PDLIM2: variants seen among roughly 807,000 people sequenced by gnomAD.
PDLIM2 encodes PDZ and LIM domain protein 2.
A neutral mutation model predicts 54.1 loss-of-function variants in PDLIM2; 51 were observed. The ratio of observed to expected loss-of-function variants is 0.94; its 90% CI spans 0.75 to 1.19. The LOEUF (loss-of-function observed/expected upper bound fraction) is 1.19. PDLIM2 is among the 50% of genes most tolerant of loss of function. The pLI is 0.00. For missense variants in PDLIM2, 912 were observed against 874.0 expected, an observed-to-expected ratio of 1.04 and a Z score of -0.55; for synonymous variants, 398 against 385.6, an observed-to-expected ratio of 1.03 and a Z score of -0.38.
chr8:22,589,265 C>T, intron 6 of PDLIM2, 33 bp from the exon 6 acceptor site: 2 of 1,532,830 alleles, frequency 1.3e-6, no homozygotes, highest in South Asian at 1.2e-5. Flanking sequence ...AGGCTCTGGC[C>T]CTGACTCCTC....
At chr8:22,584,887 C>T (rs776472005) in exon 4 of PDLIM2, 37 of 1,614,024 alleles carry the variant, frequency 2.3e-5, no homozygotes, top group Non-Finnish European at 3.0e-5. Flanking sequence ...CGACTCGCTT[C>T]CAGGTAAGCT....
Position 22,586,443 on chromosome 8 carries a change from G to A in PDLIM2, c.1290+1044G>A, listed in dbSNP as rs1007397781. Among the ~76,000 whole-genome samples the A allele has an allele frequency of 7.9e-5, 12 of 152,186 alleles. No homozygotes were observed. In the East Asian group the frequency reaches 1.2e-3, roughly 15 times the overall value. ...GGTATTAATTACAAAAGCAGGAGGCGTTCTGGGAGGGGAGGGGAAGGAAGG... is the reference window on the plus strand; with the variant it reads ...GGTATTAATTACAAAAGCAGGAGGCATTCTGGGAGGGGAGGGGAAGGAAGG... On this transcript the variant is annotated intron_variant, in intron 6 of 9. Coordinates refer to ENST00000308354, the Ensembl canonical transcript of PDLIM2.
chr8:22,584,477 TA>T (rs747823270), intron 3 of PDLIM2, among the ~76,000 whole-genome samples: 74 of 151,698 alleles, frequency 4.9e-4, no homozygotes, highest in Non-Finnish European at 9.7e-4. Context: ...TGCAGCTACT[TA>T]AAAAAAAATT....
At chr8:22,579,462 C>T in exon 1 of PDLIM2, 3 of 1,518,824 alleles carry the variant, frequency 2.0e-6, no homozygotes, top group Middle Eastern at 2.1e-4. Context: ...ACTGGTAGAG[C>T]CGGGCCATCG....
downstream of PDLIM2, chr8:22,594,708 T>G: frequency 5.1e-6 from 8 of 1,560,902 alleles, no homozygotes; most frequent in African/African-American, 2.7e-5. Flanking sequence ...CGGGGCCAGG[T>G]TGATCTACCG....
chr8:22,589,318 C>T lies in PDLIM2; in HGVS notation c.1311C>T (p.Gly437=), dbSNP rs569722489. Residue 437 remains glycine (G), a synonymous_variant, in exon 7 of 10, where the codon GGC becomes GGT. Transcript: ENST00000308354. ...AACAGGCCGGCCTCGGCCGCGCTGG[C>T]GACTCGGCGGTGCTGGTGCTGCCGC... 85 of 1,534,266 alleles carry T rather than the reference C, an allele frequency of 5.5e-5. 1 individual carries two copies. In the South Asian group the frequency reaches 6.2e-4, roughly 11 times the overall value.
At chr8:22,579,500 A>G (rs1800128902) in exon 1 of PDLIM2, 4 of 1,509,624 alleles carry the variant, frequency 2.6e-6, no homozygotes, top group Non-Finnish European at 2.6e-6. Flanking sequence ...CGGCGCCCGC[A>G]GCGCGGAGTC....
rs1293048240 is a variant in PDLIM2 at position 22,590,208 on chromosome 8, A to C, written c.1513+467A>C. 3 of 165,378 alleles carry C rather than the reference A, an allele frequency of 1.8e-5. No homozygotes were observed. The East Asian group carries it at 5.4e-4, about 30-fold the overall frequency. 10.2% of individuals were successfully genotyped at this position (165,378 alleles called of 1,614,324 possible). A position where few individuals can be genotyped will look rare whatever the true frequency, so the allele number is the denominator to read the frequency against. ...AGAGAATGGGGGCCTGATAGCATGA[A>C]AGGGCGCCAGTGGAGGCCAAGCCCC... On this transcript the variant is annotated intron_variant, in intron 8 of 9. Transcript: ENST00000308354.
At chr8:22,586,733 C>G (rs1246122075) in intron 6 of PDLIM2, among the ~76,000 whole-genome samples, 1 of 152,158 alleles carries the variant, frequency 6.6e-6, no homozygotes, top group Non-Finnish European at 1.5e-5. Flanking sequence ...CCCACGTGCT[C>G]AAGGGCAAGC....
Position 22,580,600 on chromosome 8 carries a change from C to T in PDLIM2, c.749-3C>T. On this transcript the variant is annotated splice_region_variant and splice_polypyrimidine_tract_variant and intron_variant, in intron 1 of 9. An upstream open reading frame in the 5' UTR gains an earlier in-frame stop. Transcript: ENST00000308354. ...CTTCACCTCCTGGTCCTCTCTTCCT[C>T]AGGTATGGCGTTGACGGTGGATGTG... 6.2e-7 allele frequency: 1 copy of T among 1,614,046 alleles called. No homozygotes were observed. Among genetic ancestry groups the T allele is most frequent in the Non-Finnish European group, 8.5e-7 (1 of 1,179,996 alleles).
intron 9 of PDLIM2, chr8:22,592,528 C>G (rs1245375344): frequency 6.6e-6 from 1 of 152,218 alleles, no homozygotes; most frequent in Non-Finnish European, 1.5e-5. Context: ...CTTAACCTCT[C>G]TGGGCTTTAG....
rs1586928763 is a variant in PDLIM2 at position 22,591,150 on chromosome 8, C to T, written c.1514-401C>T. On this transcript the variant is annotated intron_variant, in intron 8 of 9. Transcript: ENST00000308354. ...GCCCCGTAGCCCTGGGCTTCATCTT[C>T]GTGTGGCTTGAGAGCTCAGATGTGA... The T allele has an allele frequency of 1.6e-5, 4 of 251,662 alleles. No individual in the cohort carries two copies. The East Asian group carries it at 4.2e-4, about 26-fold the overall frequency. The allele number at this position is 251,662 out of a possible 1,614,324, so 15.6% of individuals were successfully genotyped here.
chr8:22,585,289 C>T (rs1392244730), intron 5 of PDLIM2, 32 bp from the exon 5 acceptor site: 5 of 1,610,726 alleles, frequency 3.1e-6, no homozygotes, highest in Non-Finnish European at 4.2e-6. Context: ...TGGGGGTGGC[C>T]CTGGCACACA....
rs766095196 is a variant in PDLIM2, at chr8:22,589,706, G to A, written c.1478G>A (p.Arg493Gln). 28 of 1,570,750 alleles carry A rather than the reference G, an allele frequency of 1.8e-5. 1 individual carries two copies. In the South Asian group the frequency reaches 2.0e-4, roughly 11 times the overall value. Residue 493 changes from arginine to glutamine, a missense_variant, in exon 8 of 10, where the codon CGG becomes CAG. Coordinates refer to ENST00000308354, the Ensembl canonical transcript of PDLIM2. ...GCCCCCCGACAGTCCAGCTCCTTTC[G>A]GCTCTTGCAGGAAGCCCTGGAGGCT... is the stretch of plus-strand genomic sequence containing the variant.
chr8:22,587,107 C>T (rs1256034272), intron 6 of PDLIM2, among the ~76,000 whole-genome samples: 1 of 152,210 alleles, frequency 6.6e-6, no homozygotes, highest in African/African-American at 2.4e-5. Flanking sequence ...AGACACTCAT[C>T]TGGGCTCTGG....
At chr8:22,580,365 G>A (rs1385099580) in intron 1 of PDLIM2, 110 bp from the exon 1 acceptor site, 1 of 1,030,152 alleles carries the variant, frequency 9.7e-7, no homozygotes. Context: ...GTCGCTCCCT[G>A]GGCTGAAGAC....
chr8:22,582,478 C>T (rs1800234886), intron 3 of PDLIM2, among the ~76,000 whole-genome samples: 1 of 151,906 alleles, frequency 6.6e-6, no homozygotes, highest in African/African-American at 2.4e-5. Flanking sequence ...GTCTCTTCCT[C>T]TGGGGTTCTC....
chr8:22,584,688 G>A, intron 3 of PDLIM2, 133 bp from the exon 3 acceptor site: 3 of 746,716 alleles, frequency 4.0e-6, no homozygotes, highest in Non-Finnish European at 6.6e-6. Context: ...GTTAAAAGTT[G>A]ACAACCGGAT....
In PDLIM2 at chr8:22,579,557, G is replaced by A. The variant is rs1365734584; in HGVS notation, c.748+30G>A. The A allele has an allele frequency of 2.0e-5, 29 of 1,439,798 alleles. No individual in the cohort carries two copies. The African/African-American group carries it at 4.3e-4, about 21-fold the overall frequency. The allele number at this position is 1,439,798 out of a possible 1,614,324, so 89.2% of individuals were successfully genotyped here. On this transcript the variant is annotated intron_variant, in intron 1 of 9. Transcript: ENST00000308354. ...GGGAATCTCGGGGCGGCCGCGAGCC[G>A]GCCTCGGGGACTGGGGTGGGGGCGG...
Sources: gnomAD v4.1 joint callset for allele counts (sites outside exome capture counted in the v4.1 genomes callset) on GRCh38, gnomAD v4.1.1 for gene constraint, MANE v1.5 for transcripts, NCBI Gene and HGNC (gene_info 2026-07-23, HGNC 2026-07-21) for gene names.